Variants in NFIC observed in about 807,000 individuals in gnomAD.
NFIC encodes the protein nuclear factor I C.
Under a neutral mutation model 54.4 loss-of-function variants are expected in NFIC, and 12 were observed. The observed-to-expected ratio is 0.22, with a 90% CI of 0.14 to 0.36. The LOEUF (loss-of-function observed/expected upper bound fraction) is 0.36. NFIC is among the 10% of genes least tolerant of loss of function. The pLI is 1.00. For synonymous variants in NFIC, 322 were observed against 319.2 expected, an observed-to-expected ratio of 1.01 and a Z score of -0.09; for missense variants, 575 against 718.2, an observed-to-expected ratio of 0.80 and a Z score of 2.28.
intron 2 of NFIC, among the ~76,000 whole-genome samples, chr19:3,396,426 C>G (rs552411356): frequency 6.8e-6 from 1 of 147,958 alleles, no homozygotes; most frequent in Admixed American, 6.9e-5. Flanking sequence ...GAGCTGAGAT[C>G]GTGCCACTGC....
chr19:3,405,097 C>G (rs1334919010), intron 2 of NFIC, among the ~76,000 whole-genome samples: 2 of 152,248 alleles, frequency 1.3e-5, no homozygotes, highest in Non-Finnish European at 2.9e-5. Context: ...AAAAAAGAAA[C>G]TTTTCTTTGA....
chr19:3,394,444 C>T (rs2081425034), intron 2 of NFIC, among the ~76,000 whole-genome samples: 1 of 149,926 alleles, frequency 6.7e-6, no homozygotes, highest in Admixed American at 6.7e-5. Flanking sequence ...TGTGTCACTG[C>T]ATTCCAGCCT....
chr19:3,401,811 T>C (rs1053487550), intron 2 of NFIC, among the ~76,000 whole-genome samples: 8 of 151,784 alleles, frequency 5.3e-5, no homozygotes, highest in African/African-American at 1.9e-4. Flanking sequence ...AACCTCTGCC[T>C]CACAGGTTTA....
In NFIC at chr19:3,369,512, C is replaced by G. The variant is rs553137544; in HGVS notation, c.30+2846C>G. 6.6e-6 allele frequency among the ~76,000 whole-genome samples: 1 copy of G among 151,950 alleles called. No homozygotes were observed. Among genetic ancestry groups the G allele is most frequent in the South Asian group, 2.1e-4 (1 of 4,832 alleles). Reference sequence around the variant, plus strand: ...GATCCTTCTCGGGAGCCGAGGCTGGCGGGGGGTGGGGGGCATCTCGGTGCC... The same window carrying G: ...GATCCTTCTCGGGAGCCGAGGCTGGGGGGGGGTGGGGGGCATCTCGGTGCC... On this transcript the variant is annotated intron_variant, in intron 1 of 10. Coordinates refer to ENST00000443272, the MANE Select transcript of NFIC (RefSeq NM_001245002.2). This position sits in a 1 kb window ranked among gnomAD's most constrained non-coding sequence, Gnocchi z 4.3.
chr19:3,460,304 G>A (rs2121953775), intron 10 of NFIC, among the ~76,000 whole-genome samples: 1 of 152,244 alleles, frequency 6.6e-6, no homozygotes, highest in East Asian at 1.9e-4. Context: ...GTTGGCCCTG[G>A]GCAGGAGCAG....
chr19:3,376,513 A>G (rs2081111345), intron 1 of NFIC, among the ~76,000 whole-genome samples: 2 of 149,146 alleles, frequency 1.3e-5, no homozygotes, highest in Admixed American at 6.7e-5. Context: ...TGGGAGGATC[A>G]CTTGAGCCCA....
chr19:3,459,374 C>T lies in NFIC; in HGVS notation c.1509+2739C>T, dbSNP rs2082607911. On this transcript the variant is annotated intron_variant, in intron 10 of 10. Coordinates refer to ENST00000443272, the MANE Select transcript of NFIC (RefSeq NM_001245002.2). This position sits in a 1 kb window ranked among gnomAD's most constrained non-coding sequence, Gnocchi z 4.2. Reference sequence around the variant, plus strand: ...CTGTGAGGCTGGGTGGCTCTGACGCCCTGGCCCCTCCCCTCTGTGATGTCC... The same window carrying T: ...CTGTGAGGCTGGGTGGCTCTGACGCTCTGGCCCCTCCCCTCTGTGATGTCC... Among the ~76,000 whole-genome samples the T allele has an allele frequency of 6.6e-6, 1 of 152,108 alleles. No homozygotes were observed. The highest frequency in any genetic ancestry group is 6.6e-5 in the Admixed American group (1 of 15,256).
chr19:3,365,082 G>A (rs1367434558), upstream of NFIC, among the ~76,000 whole-genome samples: 1 of 152,138 alleles, frequency 6.6e-6, no homozygotes, highest in Non-Finnish European at 1.5e-5. Flanking sequence ...GGGAACCTAC[G>A]CTGCAGGAAT....
rs2080998210 is a variant in NFIC at position 3,370,992 on chromosome 19, A to G, written c.30+4326A>G. Among the ~76,000 whole-genome samples the G allele has an allele frequency of 3.9e-5, 6 of 152,206 alleles. No individual in the cohort carries two copies. Among genetic ancestry groups the G allele is most frequent in the Admixed American group, 3.9e-4 (6 of 15,264 alleles). On this transcript the variant is annotated intron_variant, in intron 1 of 10. Transcript: ENST00000443272. The surrounding 1 kb of genome is among the most constrained non-coding windows in gnomAD (Gnocchi z 5.2). ...TGCACACTCCCTGACACCCATACGG[A>G]CGAGGACACAGCTCTGCCTGCCTCG...
At chr19:3,454,261 A>G in intron 9 of NFIC, 2 of 1,140,286 alleles carry the variant, frequency 1.8e-6, no homozygotes, top group South Asian at 7.9e-5. Flanking sequence ...TGGCGGCCCG[A>G]GGGCCAGACT....
intron 6 of NFIC, among the ~76,000 whole-genome samples, chr19:3,435,945 G>T (rs1384418870): frequency 6.6e-6 from 1 of 151,956 alleles, no homozygotes. Flanking sequence ...TCCTACCTCA[G>T]CCTCCCAAGT....
intron 1 of NFIC, among the ~76,000 whole-genome samples, chr19:3,378,291 G>T (rs1375350926): frequency 6.6e-6 from 1 of 151,370 alleles, no homozygotes; most frequent in African/African-American, 2.4e-5. Context: ...AGGAGATGGG[G>T]TTTCGCCATG....
Position 3,463,652 on chromosome 19 carries a change from C to CCGGTGCG in NFIC, c.*884_*885insGGTGCGC. 1.5e-6 allele frequency: 1 copy of CCGGTGCG among 663,398 alleles called. No individual in the cohort carries two copies. The highest frequency in any genetic ancestry group is 1.7e-6 in the Non-Finnish European group (1 of 571,470). 41.1% of individuals were successfully genotyped at this position (663,398 alleles called of 1,614,324 possible). ...CACCCCCCACCCCCGGCATAGGAGGCCCCCCCACCTCGCCCGGCTCACACC... is the reference window on the plus strand; with the variant it reads ...CACCCCCCACCCCCGGCATAGGAGGCCGGTGCGCCCCCCACCTCGCCCGGCTCACACC... On this transcript the variant is annotated 3_prime_UTR_variant, in exon 11 of 11. Coordinates refer to ENST00000443272, the MANE Select transcript of NFIC (RefSeq NM_001245002.2).
chr19:3,435,331 T>C (rs1389915782), intron 6 of NFIC, 124 bp downstream of exon 6: 2 of 1,336,042 alleles, frequency 1.5e-6, no homozygotes. Flanking sequence ...CCGCGGGGCC[T>C]CCTGGGAATT....
chr19:3,440,587 C>T (rs1223232299), intron 6 of NFIC, among the ~76,000 whole-genome samples: 7 of 152,066 alleles, frequency 4.6e-5, no homozygotes, highest in East Asian at 1.9e-4. Flanking sequence ...CCCGCCACCA[C>T]GGCTGGCTAA....
chr19:3,399,760 A>G (rs1268640499), intron 2 of NFIC, among the ~76,000 whole-genome samples: 1 of 152,072 alleles, frequency 6.6e-6, no homozygotes, highest in Non-Finnish European at 1.5e-5. Flanking sequence ...AATCCCAGCT[A>G]CTGGGGAGGC....
In NFIC at chr19:3,366,647, C is replaced by A; in HGVS notation, c.11C>A (p.Ser4Tyr). MYS[S>Y]PLCLTQDEFH... ...CCCGCCGCGCCCGGGATGTATTCGT[C>A]CCCGCTCTGCCTCACCCAGGTACGG... Residue 4 changes from serine to tyrosine, a missense_variant, in exon 1 of 11, where the codon TCC becomes TAC. By Grantham distance (144) the Ser-to-Tyr change is moderately radical (BLOSUM62 -2). Coordinates refer to ENST00000443272, the MANE Select transcript of NFIC (RefSeq NM_001245002.2). 5.4e-6 allele frequency: 8 copies of A among 1,491,844 alleles called. No individual in the cohort carries two copies. The highest frequency in any genetic ancestry group is 7.1e-6 in the Non-Finnish European group (8 of 1,126,576). The allele number at this position is 1,491,844 out of a possible 1,614,324, so 92.4% of individuals were successfully genotyped here.
chr19:3,445,203 G>T (rs2082357574), intron 6 of NFIC, among the ~76,000 whole-genome samples: 1 of 150,512 alleles, frequency 6.6e-6, no homozygotes, highest in South Asian at 2.1e-4. Context: ...GTATTCACAT[G>T]CACACACACA....
intron 6 of NFIC, among the ~76,000 whole-genome samples, chr19:3,436,355 A>G (rs1278521653): frequency 2.3e-5 from 3 of 128,088 alleles, no homozygotes; most frequent in Non-Finnish European, 3.1e-5. Context: ...ATGGGGTCTC[A>G]CTATGTTGCC....
Sources: allele counts gnomAD v4.1 joint callset (sites outside exome capture counted in the v4.1 genomes callset), GRCh38; gene constraint gnomAD v4.1.1; non-coding constraint Gnocchi (gnomAD v3.1); transcripts MANE v1.5; gene names NCBI Gene and HGNC (gene_info 2026-07-23, HGNC 2026-07-21).